PERM1: variants seen among roughly 807,000 people sequenced by gnomAD.
PERM1 encodes PGC-1 and ERR-induced regulator in muscle protein 1.
Under a neutral mutation model 44.1 loss-of-function variants are expected in PERM1, and 45 were observed. The observed-to-expected ratio is 1.02, with a 90% CI of 0.80 to 1.31. The LOEUF (loss-of-function observed/expected upper bound fraction) is 1.31. Ranked by LOEUF, PERM1 falls within the 50% of genes most tolerant of loss-of-function variation. The probability of loss-of-function intolerance (pLI) is 0.00; values close to 1 mark genes in which losing one functional copy is unlikely to be tolerated. For synonymous variants in PERM1, 565 were observed against 477.1 expected (o/e 1.18, Z -2.40); for missense variants, 1,189 against 1,106.9 (o/e 1.07, Z -1.05).
chr1:982,027 C>A, upstream of PERM1: 1 of 1,286,532 alleles, frequency 7.8e-7, no homozygotes, highest in Non-Finnish European at 1.0e-6. Flanking sequence ...ACCATTGGGG[C>A]CCCTTGGGTC....
chr1:978,930 G>A (rs1570071045), exon 1 of PERM1: 1 of 1,507,356 alleles, frequency 6.6e-7, no homozygotes, highest in Middle Eastern at 1.9e-4. Context: ...CTGGCTTGAG[G>A]GGGGTCCCAG....
rs145156989 is a variant in PERM1, at chr1:975,921, C to T, written c.*251G>A. ...TGTTCTCATCTGTGAATCTGGCCACCCTCCTACCCAGCCACCTGCCTGCCC... is the reference window on the plus strand; with the variant it reads ...TGTTCTCATCTGTGAATCTGGCCACTCTCCTACCCAGCCACCTGCCTGCCC... On this transcript the variant is annotated 3_prime_UTR_variant, in exon 3 of 3. Transcript: ENST00000433179. 5.8e-4 allele frequency: 292 copies of T among 503,856 alleles called. 4 individuals carry two copies. The East Asian group carries it at 9.7e-3, about 17-fold the overall frequency. The allele number at this position is 503,856 out of a possible 1,614,324, so 31.2% of individuals were successfully genotyped here. A position where few individuals can be genotyped will look rare whatever the true frequency, so the allele number is the denominator to read the frequency against.
At chr1:980,820 G>T in exon 1 of PERM1, 2 of 1,399,056 alleles carry the variant, frequency 1.4e-6, no homozygotes, top group Non-Finnish European at 9.2e-7. Context: ...AGCCCCGCCG[G>T]CTCCGCCCTC....
chr1:981,985 T>G (rs1643800577), upstream of PERM1: 7 of 1,194,840 alleles, frequency 5.9e-6, no homozygotes, highest in South Asian at 9.1e-5. Flanking sequence ...CCCTCCTCTC[T>G]GGTCTCTTGA....
At chr1:979,416 G>A (rs775920080) in exon 1 of PERM1, 22 of 1,524,664 alleles carry the variant, frequency 1.4e-5, no homozygotes, top group East Asian at 9.8e-5. Flanking sequence ...CCCAGGCTCC[G>A]GGCCCCCCGT....
chr1:978,905 G>A, exon 1 of PERM1: 1 of 1,499,932 alleles, frequency 6.7e-7, no homozygotes, highest in Non-Finnish European at 8.9e-7. Context: ...GCCAGGTGGA[G>A]CCGCTCTACC....
intron 1 of PERM1, among the ~76,000 whole-genome samples, chr1:978,372 C>T (rs1643684150): frequency 6.6e-6 from 1 of 151,542 alleles, no homozygotes; most frequent in Admixed American, 6.6e-5. Flanking sequence ...CTGGTTGCCC[C>T]GGGAACCGCC....
In PERM1 at chr1:976,086, G is replaced by T. The variant is rs1643590970; in HGVS notation, c.*86C>A. On this transcript the variant is annotated 3_prime_UTR_variant, in exon 3 of 3. Transcript: ENST00000433179. ...ACGCGGTAGAAGAGAGGGGTCAGAGGGCCCGGGCGAGGGCGGCACCTCGTC... is the reference window on the plus strand; with the variant it reads ...ACGCGGTAGAAGAGAGGGGTCAGAGTGCCCGGGCGAGGGCGGCACCTCGTC... 15 of 1,336,450 alleles carry T rather than the reference G, an allele frequency of 1.1e-5. No individual in the cohort carries two copies. The South Asian group carries it at 1.8e-4, about 16-fold the overall frequency. The allele number at this position is 1,336,450 out of a possible 1,614,324, so 82.8% of individuals were successfully genotyped here.
upstream of PERM1, chr1:981,141 G>C: frequency 6.5e-7 from 1 of 1,548,966 alleles, no homozygotes; most frequent in Middle Eastern, 1.7e-4. Flanking sequence ...CGAGACCTGG[G>C]AGCTCCCACC....
Position 979,049 on chromosome 1 carries a change from C to A in PERM1, c.1981G>T (p.Glu661Ter), listed in dbSNP as rs1404849912. The A allele has an allele frequency of 3.2e-6, 5 of 1,545,138 alleles. No homozygotes were observed. In the South Asian group the frequency reaches 6.0e-5, roughly 19 times the overall value. ...CTGTCCTCCCCGAAGAAGAAGTGTT[C>A]ATAGACCTCAGGGATGGAGATGGGC... Residue 661 changes from glutamate (E) to a stop codon, truncating the protein, a stop_gained, in exon 1 of 3, where the codon GAA becomes TAA. Coordinates refer to ENST00000433179, the Ensembl canonical transcript of PERM1. LOFTEE classifies it high-confidence loss of function.
Position 976,247 on chromosome 1 carries a change from G to A in PERM1, c.2298C>T (p.Thr766=), listed in dbSNP as rs1260101623. The A allele has an allele frequency of 2.6e-6, 4 of 1,531,034 alleles. No homozygotes were observed. In the African/African-American group the frequency reaches 5.5e-5, roughly 21 times the overall value. The allele number at this position is 1,531,034 out of a possible 1,614,324, so 94.8% of individuals were successfully genotyped here. Residue 766 remains threonine, a synonymous_variant, in exon 3 of 3, where the codon ACC becomes ACT. Transcript: ENST00000433179. The stretch of plus-strand genomic sequence containing the variant: ...GGCGGAAGTAGCGGATGGCAGAGAT[G>A]GTGCCGACGTTGGCCAGCAAGGCTG...
At chr1:979,045 T>C in exon 1 of PERM1, 1 of 1,541,718 alleles carries the variant, frequency 6.5e-7, no homozygotes, top group Non-Finnish European at 8.8e-7. Flanking sequence ...GAAGAAGAAG[T>C]GTTCATAGAC....
rs1643627381 is a variant in PERM1, at chr1:976,741, C to CCCCCACCAA, written c.2150-118_2150-117insTTGGTGGGG. 2.3e-5 allele frequency: 18 copies of CCCCCACCAA among 770,884 alleles called. No individual in the cohort carries two copies. In the African/African-American group the frequency reaches 4.1e-4, roughly 18 times the overall value. The allele number at this position is 770,884 out of a possible 1,614,324, so 47.8% of individuals were successfully genotyped here. On this transcript the variant is annotated intron_variant, in intron 1 of 2. Transcript: ENST00000433179. ...CAACCCCGGGAACCGCCTCCCACTC[C>CCCCCACCAA]CCCCGCCAACCCCGGGAACCGCCTC...
At chr1:979,848 T>C in exon 1 of PERM1, 2 of 1,549,588 alleles carry the variant, frequency 1.3e-6, no homozygotes, top group African/African-American at 1.4e-5. Context: ...CCGTGTCCAA[T>C]TGTGGCTTGG....
At chr1:979,023 C>A in exon 1 of PERM1, 2 of 1,538,016 alleles carry the variant, frequency 1.3e-6, no homozygotes, top group South Asian at 1.2e-5. Context: ...CGCCCTCAAG[C>A]CTGTCCTCCC....
At chr1:979,555 G>T (rs1245152045) in exon 1 of PERM1, 1 of 1,549,876 alleles carries the variant, frequency 6.5e-7, no homozygotes, top group African/African-American at 1.4e-5. Context: ...GAGACCCAGT[G>T]CGGGTGCCCC....
At chr1:980,848 G>A (rs973582569) in exon 1 of PERM1, 4 of 1,403,076 alleles carry the variant, frequency 2.9e-6, no homozygotes, top group African/African-American at 2.9e-5. Context: ...TAGCTGCCCA[G>A]TTGGGAGAGG....
upstream of PERM1, chr1:982,073 C>T (rs761050770): frequency 3.9e-6 from 5 of 1,288,244 alleles, no homozygotes; most frequent in South Asian, 2.5e-5. Context: ...ACCTGGGTCC[C>T]GGCGGCCGAG....
At chr1:978,714 C>G (rs1251658274) in intron 1 of PERM1, among the ~76,000 whole-genome samples, 167 bp downstream of exon 2, 1 of 152,202 alleles carries the variant, frequency 6.6e-6, no homozygotes, top group Non-Finnish European at 1.5e-5. Context: ...CTGGGCCGCC[C>G]CATCTGGACT....
Sources: gnomAD v4.1 joint callset for allele counts (sites outside exome capture counted in the v4.1 genomes callset) on GRCh38, gnomAD v4.1.1 for gene constraint, MANE v1.5 for transcripts, NCBI Gene and HGNC (gene_info 2026-07-23, HGNC 2026-07-21) for gene names.